The following MYO16 variants were observed in gnomAD, a reference collection of about 807,000 sequenced individuals.
MYO16 encodes the protein unconventional myosin-XVI.
MYO16 carries 94 observed loss-of-function variants against 205.3 expected under a neutral mutation model. The ratio of observed to expected loss-of-function variants is 0.46; its 90% CI spans 0.39 to 0.54. The LOEUF (loss-of-function observed/expected upper bound fraction) is 0.54, where lower values mean the gene tolerates loss of function less well. Ranked by LOEUF, MYO16 falls within the 20% of genes least tolerant of loss-of-function variation. The pLI is 0.00. For synonymous variants in MYO16, 988 were observed against 954.0 expected, an observed-to-expected ratio of 1.04 and a Z score of -0.66; for missense variants, 2,315 against 2,387.5, an observed-to-expected ratio of 0.97 and a Z score of 0.63.
chr13:108,545,032 G>A, the MYO16 span, among the ~76,000 whole-genome samples: 1 of 151,616 alleles, frequency 6.6e-6, no homozygotes, highest in African/African-American at 2.4e-5. Flanking sequence ...AGGTTCAGGG[G>A]TACATGTACA....
intron 32 of MYO16, among the ~76,000 whole-genome samples, chr13:109,153,098 C>T (rs770568757): frequency 3.3e-5 from 5 of 152,148 alleles, no homozygotes; most frequent in African/African-American, 4.8e-5. Context: ...CCATGACGCT[C>T]GTTCAACACT....
chr13:108,536,579 A>G, the MYO16 span, among the ~76,000 whole-genome samples: 8 of 152,116 alleles, frequency 5.3e-5, no homozygotes, highest in Non-Finnish European at 1.0e-4. Context: ...ACATATAGGG[A>G]AAATGAATGT....
chr13:108,546,917 C>T, the MYO16 span, among the ~76,000 whole-genome samples: 11 of 152,114 alleles, frequency 7.2e-5, no homozygotes, highest in Non-Finnish European at 1.6e-4. Flanking sequence ...TATCCTTCCT[C>T]CAGGAGAAAG....
intron 22 of MYO16, among the ~76,000 whole-genome samples, chr13:109,017,043 C>T (rs886626405): frequency 6.6e-6 from 1 of 152,162 alleles, no homozygotes; most frequent in Non-Finnish European, 1.5e-5. Context: ...TTAGTTGATG[C>T]AGTTTCTTCC....
intron 20 of MYO16, among the ~76,000 whole-genome samples, chr13:108,969,099 CTTT>C (rs933237604): frequency 2.6e-5 from 4 of 152,124 alleles, no homozygotes; most frequent in Non-Finnish European, 4.4e-5. Flanking sequence ...TGAGTTGGAT[CTTT>C]TTTTGTTGTT....
At chr13:109,034,382 C>T (rs1460592935) in intron 23 of MYO16, among the ~76,000 whole-genome samples, 1 of 152,154 alleles carries the variant, frequency 6.6e-6, no homozygotes, top group Non-Finnish European at 1.5e-5. Flanking sequence ...GGTCTTGTGA[C>T]AGTGAGTTCT....
chr13:108,817,262 G>T (rs1034868597), intron 7 of MYO16, among the ~76,000 whole-genome samples: 5 of 152,148 alleles, frequency 3.3e-5, no homozygotes, highest in African/African-American at 1.2e-4. Flanking sequence ...TATTCAAAGA[G>T]CCAGAAACAA....
chr13:109,173,723 G>A (rs1286578341), intron 33 of MYO16, among the ~76,000 whole-genome samples: 8 of 150,968 alleles, frequency 5.3e-5, no homozygotes, highest in African/African-American at 1.9e-4. Context: ...GTGAAACCCC[G>A]TCTCTACTAA....
At chr13:109,142,468 A>G (rs758046009) in intron 32 of MYO16, among the ~76,000 whole-genome samples, 2 of 151,798 alleles carry the variant, frequency 1.3e-5, no homozygotes, top group African/African-American at 2.4e-5. Context: ...ACTCCCTAGA[A>G]CTAAATTGAA....
intron 31 of MYO16, among the ~76,000 whole-genome samples, chr13:109,132,441 C>A (rs755525540): frequency 6.6e-5 from 10 of 152,180 alleles, no homozygotes; most frequent in Non-Finnish European, 1.5e-4. Flanking sequence ...AATAATATGT[C>A]TTTTCTTTAC....
At chr13:108,626,761 C>T (rs892596046), upstream of MYO16, among the ~76,000 whole-genome samples, 18 of 151,384 alleles carry the variant, frequency 1.2e-4, no homozygotes, top group East Asian at 3.9e-4. Context: ...GCCAAGATCG[C>T]GCCATTGCAC....
At chr13:108,736,767 A>G (rs540294375) in intron 4 of MYO16, among the ~76,000 whole-genome samples, 3 of 152,094 alleles carry the variant, frequency 2.0e-5, no homozygotes. Context: ...GATTCTTCCT[A>G]TCCATGAGCA....
At chr13:108,746,066 G>A (rs974455926) in intron 4 of MYO16, among the ~76,000 whole-genome samples, 2 of 151,996 alleles carry the variant, frequency 1.3e-5, no homozygotes, top group African/African-American at 2.4e-5. Context: ...GGTGGCAGGC[G>A]CCTGTAGTCC....
Position 109,162,789 on chromosome 13 carries a change from G to A in MYO16, c.5165-2112G>A, listed in dbSNP as rs546117705. 1.2e-4 allele frequency among the ~76,000 whole-genome samples: 19 copies of A among 152,164 alleles called. No individual in the cohort carries two copies. Among genetic ancestry groups the A allele is most frequent in the African/African-American group, 4.6e-4 (19 of 41,524 alleles). On this transcript the variant is annotated intron_variant, in intron 32 of 34. Transcript: ENST00000457511. This position sits in a 1 kb window ranked among gnomAD's most constrained non-coding sequence, Gnocchi z 4.6. ...GTGAAAGCAACATAAAAGCAGGTGA[G>A]TACATCTTGAGCCAGTTTTAAAACA... is the stretch of plus-strand genomic sequence containing the variant.
Position 109,127,523 on chromosome 13 carries a change from T to G in MYO16, c.4024T>G (p.Ser1342Ala). The change falls in exon 31 of 35, where the codon TCC becomes GCC. Residue 1342 changes from serine (S) to alanine (A), a missense_variant. Ser to Ala is a moderately conservative substitution (Grantham distance 99). Around this residue, in one of 3 missense-constraint regions of MYO16, gnomAD observed 1,097 missense variants for 1,092.0 expected, o/e 1.00. Transcript: ENST00000457511. This position sits in a 1 kb window ranked among gnomAD's most constrained non-coding sequence, Gnocchi z 4.2. ...CTATGAGGCTGTGAGCGCCTGCCTCTCCGCGGCCAGGGAAGCGGCCAACGA... is the reference window on the plus strand; with the variant it reads ...CTATGAGGCTGTGAGCGCCTGCCTCGCCGCGGCCAGGGAAGCGGCCAACGA... ...ASYEAVSACL[S>A]AAREAANEAL... The G allele has an allele frequency of 6.2e-7, 1 of 1,612,198 alleles. No homozygotes were observed. The highest frequency in any genetic ancestry group is 8.5e-7 in the Non-Finnish European group (1 of 1,179,840).
At chr13:108,653,926 G>C (rs914826608) in intron 1 of MYO16, among the ~76,000 whole-genome samples, 2 of 152,056 alleles carry the variant, frequency 1.3e-5, no homozygotes, top group Non-Finnish European at 2.9e-5. Flanking sequence ...AAGGAAGCAG[G>C]GCATAGAACA....
chr13:109,108,162 G>A (rs1051515867), intron 28 of MYO16, among the ~76,000 whole-genome samples: 9 of 152,038 alleles, frequency 5.9e-5, no homozygotes, highest in African/African-American at 9.7e-5. Flanking sequence ...TCATGTCGCC[G>A]TGTTCTTTTG....
At chr13:108,880,064 T>C (rs1280216325) in intron 12 of MYO16, among the ~76,000 whole-genome samples, 1 of 152,230 alleles carries the variant, frequency 6.6e-6, no homozygotes, top group African/African-American at 2.4e-5. Flanking sequence ...CTAACTGGTG[T>C]GAGATGGTAT....
chr13:108,755,476 C>CTT (rs1885392069), intron 4 of MYO16, among the ~76,000 whole-genome samples: 1 of 151,202 alleles, frequency 6.6e-6, no homozygotes, highest in Non-Finnish European at 1.5e-5. Flanking sequence ...GAAAACACAT[C>CTT]ATTTTATCTT....
Sources: gnomAD v4.1 joint callset for allele counts (sites outside exome capture counted in the v4.1 genomes callset) on GRCh38, gnomAD v4.1.1 for gene constraint, gnomAD v4.1.1 regional missense constraint, Gnocchi (gnomAD v3.1) non-coding constraint, MANE v1.5 for transcripts, NCBI Gene and HGNC (gene_info 2026-07-23, HGNC 2026-07-21) for gene names.